NAA35: variants seen among roughly 807,000 people sequenced by gnomAD.
NAA35 encodes the protein MAK10 homolog, amino-acid N-acetyltransferase subunit.
In NAA35, 18 loss-of-function variants were observed where a neutral mutation model predicts 101.7. The ratio of observed to expected loss-of-function variants is 0.18; its 90% CI spans 0.12 to 0.26. NAA35 has a LOEUF of 0.26. Among genes scored for constraint, NAA35 ranks in the 10% least tolerant of loss-of-function variants. The pLI is 1.00. For synonymous variants in NAA35, 267 were observed against 273.1 expected (o/e 0.98, Z 0.22); for missense variants, 601 against 886.8 (o/e 0.68, Z 4.09).
At chr9:86,003,784 ATTAAC>A in intron 13 of NAA35, 140 bp downstream of exon 13, 1 of 477,168 alleles carries the variant, frequency 2.1e-6, no homozygotes, top group Non-Finnish European at 3.6e-6. Context: ...TAATTGAAGT[ATTAAC>A]TTTAAGCATT....
At chr9:85,965,582 T>C (rs1232533309) in intron 6 of NAA35, among the ~76,000 whole-genome samples, 2 of 152,060 alleles carry the variant, frequency 1.3e-5, no homozygotes, top group African/African-American at 2.4e-5. Flanking sequence ...TGAGCTGTGA[T>C]TGTGCTATTT....
At chr9:85,951,971 C>G (rs1190688676) in intron 2 of NAA35, among the ~76,000 whole-genome samples, 3 of 152,096 alleles carry the variant, frequency 2.0e-5, no homozygotes, top group African/African-American at 7.2e-5. Flanking sequence ...CTAGATCTTC[C>G]AAATGTTAAC....
chr9:85,956,905 G>A (rs779825890), intron 3 of NAA35, among the ~76,000 whole-genome samples: 15 of 152,218 alleles, frequency 9.9e-5, no homozygotes, highest in Non-Finnish European at 1.9e-4. Context: ...ACTCATGGTG[G>A]AAAGCAGAAG....
At chr9:86,017,424 G>T in intron 18 of NAA35, 74 bp from the exon 19 acceptor site, 1 of 1,357,770 alleles carries the variant, frequency 7.4e-7, no homozygotes, top group South Asian at 1.3e-5. Flanking sequence ...TTTAAAATTA[G>T]ATTTTCTTTT....
rs1220015376 is a variant in NAA35, at chr9:85,959,853, T to A, written c.334T>A (p.Cys112Ser). 1.2e-6 allele frequency: 2 copies of A among 1,609,370 alleles called. No homozygotes were observed. The highest frequency in any genetic ancestry group is 2.7e-5 in the African/African-American group (2 of 74,806). Residue 112 changes from cysteine (C) to serine (S), a missense_variant, in exon 5 of 23, where the codon TGT becomes AGT. By Grantham distance (112) the Cys-to-Ser change is moderately radical (BLOSUM62 -1). Transcript: ENST00000361671. Reference protein sequence around the residue: ...LPELIGIMDTCFCCLITWLEG... With the variant: ...LPELIGIMDTSFCCLITWLEG... ...TGAACTGATAGGGATTATGGATACA[T>A]GTTTTTGCTGTTTGGTAAGAATGGA...
intron 21 of NAA35, 22 bp from the exon 22 acceptor site, chr9:86,020,867 T>A (rs1832507776): frequency 1.3e-6 from 2 of 1,563,080 alleles, no homozygotes; most frequent in East Asian, 2.2e-5. Flanking sequence ...AATGTTTCAG[T>A]AGTTTTATGT....
rs1266843336 is a variant in NAA35, at chr9:86,023,001, G to A, written c.*1041G>A. On this transcript the variant is annotated 3_prime_UTR_variant, in exon 23 of 23. Coordinates refer to ENST00000361671, the MANE Select transcript of NAA35 (RefSeq NM_024635.4). ...TTTATATTTGGTCTGTGGTTAAAAG[G>A]GTTCTCAGCTTCAAATATCTTAACT... 6.6e-6 allele frequency among the ~76,000 whole-genome samples: 1 copy of A among 152,056 alleles called. No individual in the cohort carries two copies. Among genetic ancestry groups the A allele is most frequent in the Non-Finnish European group, 1.5e-5 (1 of 68,012 alleles).
chr9:85,998,525 C>T (rs529006796), intron 12 of NAA35, among the ~76,000 whole-genome samples: 1 of 152,172 alleles, frequency 6.6e-6, no homozygotes, highest in Admixed American at 6.5e-5. Context: ...AAAAATGAAG[C>T]TGCTAGGTAC....
rs768887569 is a variant in NAA35, at chr9:86,018,222, T to G, written c.1774-33T>G. 4 of 1,588,936 alleles carry G rather than the reference T, an allele frequency of 2.5e-6. No individual in the cohort carries two copies. In the South Asian group the frequency reaches 4.5e-5, roughly 18 times the overall value. On this transcript the variant is annotated intron_variant, in intron 19 of 22. Coordinates refer to ENST00000361671, the MANE Select transcript of NAA35 (RefSeq NM_024635.4). The stretch of plus-strand genomic sequence containing the variant: ...GAGTGTTCACTTTTTTCATATTGAT[T>G]TCATCTTTTTTCTTATTCCCTTTTT...
At chr9:85,961,921 C>T in intron 5 of NAA35, 92 bp from the exon 6 acceptor site, 2 of 913,096 alleles carry the variant, frequency 2.2e-6, no homozygotes, top group Non-Finnish European at 1.6e-6. Context: ...TTATTTGGGT[C>T]TATGGTGCTC....
rs772278186 is a variant in NAA35 at position 86,022,769 on chromosome 9, T to TC, written c.*814dup. ...CTCTGGCTTTGAAAAACTGACTACA[T>TC]CCCCCTGTGCTTGCAAGTGCCTGCT... On this transcript the variant is annotated 3_prime_UTR_variant, in exon 23 of 23. Transcript: ENST00000361671. 1.3e-5 allele frequency among the ~76,000 whole-genome samples: 2 copies of TC among 152,144 alleles called. No individual in the cohort carries two copies. Among genetic ancestry groups the TC allele is most frequent in the Non-Finnish European group, 2.9e-5 (2 of 68,034 alleles).
At chr9:85,963,425 C>G (rs779088125) in intron 6 of NAA35, among the ~76,000 whole-genome samples, 1 of 151,708 alleles carries the variant, frequency 6.6e-6, no homozygotes, top group African/African-American at 2.4e-5. Context: ...CGTGCACCAC[C>G]ATGCCTGGCT....
chr9:85,981,756 G>A (rs1482220368), intron 11 of NAA35, among the ~76,000 whole-genome samples: 3 of 152,096 alleles, frequency 2.0e-5, no homozygotes, highest in Admixed American at 1.3e-4. Flanking sequence ...ATAATTTAAC[G>A]TTCTAATTAT....
At chr9:85,968,010 G>A (rs369219511) in intron 6 of NAA35, among the ~76,000 whole-genome samples, 1 of 151,940 alleles carries the variant, frequency 6.6e-6, no homozygotes, top group Non-Finnish European at 1.5e-5. Flanking sequence ...ATATCATACT[G>A]CCAGTGTTAT....
At chr9:85,978,498 C>T in intron 11 of NAA35, 117 bp downstream of exon 11, 2 of 650,376 alleles carry the variant, frequency 3.1e-6, no homozygotes, top group South Asian at 3.7e-5. Context: ...TGTTTTAATC[C>T]AGAGACTTAC....
At chr9:85,949,812 A>T (rs1192852811) in intron 2 of NAA35, among the ~76,000 whole-genome samples, 1 of 141,802 alleles carries the variant, frequency 7.1e-6, no homozygotes, top group Non-Finnish European at 1.5e-5. Flanking sequence ...AAGTAACTTT[A>T]AAAAAAAAAA....
intron 10 of NAA35, 29 bp from the exon 11 acceptor site, chr9:85,978,237 TA>T: frequency 7.7e-7 from 1 of 1,292,820 alleles, no homozygotes; most frequent in Non-Finnish European, 1.1e-6. Context: ...AAAGAATATG[TA>T]AGAATGTTTT....
At chr9:85,958,979 G>C (rs1190660884) in intron 4 of NAA35, among the ~76,000 whole-genome samples, 1 of 152,068 alleles carries the variant, frequency 6.6e-6, no homozygotes, top group Non-Finnish European at 1.5e-5. Context: ...CATAGAGTTT[G>C]ATTTTACATA....
Position 86,025,129 on chromosome 9 carries a change from A to G in NAA35, c.*3169A>G, listed in dbSNP as rs1360305511. The stretch of plus-strand genomic sequence containing the variant: ...TGCACCCTGTTTGGAAAAGTTCAGG[A>G]GAGGTGGGTGTTTTCCTTGTTCCTC... On this transcript the variant is annotated 3_prime_UTR_variant, in exon 23 of 23. Coordinates refer to ENST00000361671, the MANE Select transcript of NAA35 (RefSeq NM_024635.4). Among the ~76,000 whole-genome samples the G allele has an allele frequency of 6.6e-6, 1 of 152,124 alleles. No individual in the cohort carries two copies. The highest frequency in any genetic ancestry group is 1.5e-5 in the Non-Finnish European group (1 of 68,018).
Sources: gnomAD v4.1 joint callset for allele counts (sites outside exome capture counted in the v4.1 genomes callset) on GRCh38, gnomAD v4.1.1 for gene constraint, MANE v1.5 for transcripts, NCBI Gene and HGNC (gene_info 2026-07-23, HGNC 2026-07-21) for gene names.